Variants in PTPRM observed in about 807,000 individuals in gnomAD.
PTPRM encodes the protein receptor-type tyrosine-protein phosphatase mu.
A neutral mutation model predicts 186.7 loss-of-function variants in PTPRM; 47 were observed. The ratio of observed to expected loss-of-function variants is 0.25; its 90% CI spans 0.20 to 0.32. The LOEUF (loss-of-function observed/expected upper bound fraction) is 0.32, where lower values mean the gene tolerates loss of function less well. Ranked by LOEUF, PTPRM falls within the 10% of genes least tolerant of loss-of-function variation. The pLI is 1.00. For missense variants in PTPRM, 1,494 were observed against 1,865.0 expected, an observed-to-expected ratio of 0.80 and a Z score of 3.66; for synonymous variants, 668 against 674.9, an observed-to-expected ratio of 0.99 and a Z score of 0.16.
At chr18:7,800,039 G>T (rs2043872164) in intron 2 of PTPRM, among the ~76,000 whole-genome samples, 1 of 152,096 alleles carries the variant, frequency 6.6e-6, no homozygotes, top group Non-Finnish European at 1.5e-5. Context: ...GGGATATTTG[G>T]ATTTGGGCAT....
At chr18:7,777,008 C>T (rs1294299051) in intron 2 of PTPRM, among the ~76,000 whole-genome samples, 1 of 152,050 alleles carries the variant, frequency 6.6e-6, no homozygotes, top group African/African-American at 2.4e-5. Flanking sequence ...TTAATGTGTG[C>T]AAATGATTTA....
At chr18:8,387,807 A>G (rs974039140) in intron 31 of PTPRM, among the ~76,000 whole-genome samples, 2 of 152,004 alleles carry the variant, frequency 1.3e-5, no homozygotes, top group African/African-American at 4.8e-5. Flanking sequence ...GTATATTGGG[A>G]GCATTTGGTT....
At chr18:8,103,264 T>C (rs901924363) in intron 11 of PTPRM, among the ~76,000 whole-genome samples, 101 of 152,184 alleles carry the variant, frequency 6.6e-4, no homozygotes, top group African/African-American at 2.3e-3. Context: ...ACACCAGACA[T>C]TGACTTCTCC....
chr18:7,904,204 T>C (rs1453568228), intron 3 of PTPRM, among the ~76,000 whole-genome samples: 1 of 152,194 alleles, frequency 6.6e-6, no homozygotes, highest in Non-Finnish European at 1.5e-5. Context: ...TATTCTTGAG[T>C]ACATGTTATG....
chr18:8,021,170 G>A (rs540918494), intron 7 of PTPRM, among the ~76,000 whole-genome samples: 23 of 152,256 alleles, frequency 1.5e-4, no homozygotes, highest in Admixed American at 3.9e-4. Flanking sequence ...AATACTCTGT[G>A]TACTTGGCGA....
intron 6 of PTPRM, among the ~76,000 whole-genome samples, chr18:7,953,156 A>T (rs114057754): frequency 0.022 from 3,285 of 152,326 alleles, 46 homozygotes; most frequent in African/African-American, 0.044. Flanking sequence ...GGAGAATTAA[A>T]ACAGAAAACA....
At chr18:7,898,843 T>C (rs1216033019) in intron 3 of PTPRM, among the ~76,000 whole-genome samples, 1 of 152,222 alleles carries the variant, frequency 6.6e-6, no homozygotes, top group Non-Finnish European at 1.5e-5. Flanking sequence ...GCAGCAGTTA[T>C]GTTCTGTAAA....
At chr18:7,698,795 A>T (rs2039896779) in intron 1 of PTPRM, among the ~76,000 whole-genome samples, 1 of 152,336 alleles carries the variant, frequency 6.6e-6, no homozygotes, top group South Asian at 2.1e-4. Flanking sequence ...TCTGGTGGTT[A>T]TGTGGTATTG....
intron 14 of PTPRM, among the ~76,000 whole-genome samples, chr18:8,154,234 C>A (rs894714751): frequency 2.0e-5 from 3 of 152,140 alleles, no homozygotes; most frequent in Non-Finnish European, 2.9e-5. Context: ...AAAGGAACTG[C>A]CTCGGGTGTG....
In PTPRM at chr18:7,865,172, A is replaced by G. The variant is rs1380406224; in HGVS notation, c.197-22934A>G. Among the ~76,000 whole-genome samples the G allele has an allele frequency of 2.6e-5, 4 of 152,138 alleles. No homozygotes were observed. In the East Asian group the frequency reaches 7.7e-4, roughly 29 times the overall value. Reference sequence around the variant, plus strand: ...AGACAATTTGACTTCCTCTTTTCCTAGTTGAATACCCTTTATTTCTTTCTC... The same window carrying G: ...AGACAATTTGACTTCCTCTTTTCCTGGTTGAATACCCTTTATTTCTTTCTC... On this transcript the variant is annotated intron_variant, in intron 2 of 32. Transcript: ENST00000580170.
At chr18:8,296,541 T>C (rs1253668151) in intron 20 of PTPRM, 86 bp downstream of exon 20, 10 of 964,252 alleles carry the variant, frequency 1.0e-5, no homozygotes, top group Non-Finnish European at 1.3e-5. Flanking sequence ...ACAGAGGAAA[T>C]TTACAGTGCA....
At chr18:7,658,773 A>G (rs1302197575) in intron 1 of PTPRM, among the ~76,000 whole-genome samples, 2 of 152,126 alleles carry the variant, frequency 1.3e-5, no homozygotes, top group Non-Finnish European at 2.9e-5. Flanking sequence ...TTTCCTAGTA[A>G]ATAGACTGAA....
At chr18:7,937,128 A>G (rs1311077065) in intron 5 of PTPRM, among the ~76,000 whole-genome samples, 2 of 152,184 alleles carry the variant, frequency 1.3e-5, no homozygotes. Context: ...GACACAGGAC[A>G]AGAACTCGGG....
intron 7 of PTPRM, among the ~76,000 whole-genome samples, chr18:7,982,365 A>G (rs2082604318): frequency 6.6e-6 from 1 of 150,390 alleles, no homozygotes; most frequent in South Asian, 2.1e-4. Context: ...ACTCTGGGTC[A>G]GGATCACTGA....
At chr18:8,269,529 GA>G (rs34590570) in intron 19 of PTPRM, among the ~76,000 whole-genome samples, 2 of 151,340 alleles carry the variant, frequency 1.3e-5, no homozygotes, top group African/African-American at 4.8e-5. Context: ...TAACAAATAG[GA>G]AAAAAAATTC....
chr18:7,687,197 A>T (rs778056059), intron 1 of PTPRM, among the ~76,000 whole-genome samples: 2 of 152,220 alleles, frequency 1.3e-5, no homozygotes, highest in Admixed American at 6.5e-5. Context: ...TGTCAAGAGC[A>T]GATCATCACT....
At chr18:8,334,852 GT>G (rs1225600271) in intron 22 of PTPRM, among the ~76,000 whole-genome samples, 1 of 152,050 alleles carries the variant, frequency 6.6e-6, no homozygotes, top group African/African-American at 2.4e-5. Context: ...GCTGGGCTCA[GT>G]TTACCATTTC....
At chr18:8,269,758 A>T (rs2094747173) in intron 19 of PTPRM, among the ~76,000 whole-genome samples, 1 of 152,082 alleles carries the variant, frequency 6.6e-6, no homozygotes, top group South Asian at 2.1e-4. Flanking sequence ...AATATTTTAC[A>T]AGAGTGCCAA....
At chr18:8,125,425 A>G (rs1245528267) in intron 13 of PTPRM, among the ~76,000 whole-genome samples, 1 of 152,142 alleles carries the variant, frequency 6.6e-6, no homozygotes, top group Non-Finnish European at 1.5e-5. Flanking sequence ...ATATACATAC[A>G]TGTACATTTA....
Sources: gnomAD v4.1 joint callset for allele counts (sites outside exome capture counted in the v4.1 genomes callset) on GRCh38, gnomAD v4.1.1 for gene constraint, MANE v1.5 for transcripts, NCBI Gene and HGNC (gene_info 2026-07-23, HGNC 2026-07-21) for gene names.